Variants in DOCK8 observed in about 807,000 individuals in gnomAD.
DOCK8 encodes the protein dedicator of cytokinesis 8, also known as dedicator of cytokinesis protein 8.
In DOCK8, 141 loss-of-function variants were observed where a neutral mutation model predicts 245.6. The observed-to-expected ratio is 0.57, with a 90% confidence interval of 0.50 to 0.66. DOCK8 has a LOEUF of 0.66. Ranked by LOEUF, DOCK8 falls within the 30% of genes least tolerant of loss-of-function variation. The pLI is 0.00. For synonymous variants in DOCK8, 1,168 were observed against 970.2 expected, an observed-to-expected ratio of 1.20 and a Z score of -3.79; for missense variants, 2,965 against 2,603.4, an observed-to-expected ratio of 1.14 and a Z score of -3.02.
At position 355,493 on chromosome 9, in the gene DOCK8, T is replaced by C. The variant is rs563769484; in HGVS notation, c.1680-12525T>C. Among the ~76,000 whole-genome samples, 8 of 152,054 alleles carry C rather than the reference T, an allele frequency of 5.3e-5. No individual in the cohort carries two copies. The East Asian group carries it at 9.7e-4, about 18-fold the overall frequency. ...CTGGGATTACAGGCATGAGCCACCG[T>C]GCCCAGCCCAGAATGGTGTATTTCT... On this transcript the variant is annotated intron_variant, in intron 14 of 47. Transcript: ENST00000432829.
At chr9:215,086 A>G (rs147359731) in intron 1 of DOCK8, 57 bp downstream of exon 1, 7 of 1,526,124 alleles carry the variant, frequency 4.6e-6, no homozygotes, top group Admixed American at 4.0e-5. Context: ...GCTGGTGTGA[A>G]GCGGAGCTTC....
At chr9:404,099 G>T (rs1190115105) in intron 26 of DOCK8, among the ~76,000 whole-genome samples, 1 of 150,878 alleles carries the variant, frequency 6.6e-6, no homozygotes, top group Non-Finnish European at 1.5e-5. Context: ...TGCTGGGGTG[G>T]GGGGTGATAA....
chr9:453,420 T>G (rs2057528960), intron 46 of DOCK8, among the ~76,000 whole-genome samples: 1 of 152,124 alleles, frequency 6.6e-6, no homozygotes, highest in African/African-American at 2.4e-5. Flanking sequence ...ATTTGGGGAA[T>G]TATTTTATTA....
At chr9:311,417 GC>G (rs2050107496) in intron 5 of DOCK8, among the ~76,000 whole-genome samples, 1 of 145,450 alleles carries the variant, frequency 6.9e-6, no homozygotes, top group African/African-American at 2.6e-5. Flanking sequence ...GCTAAGTTTT[GC>G]TTTTTTTTTT....
At chr9:436,411 A>T (rs10283673) in intron 39 of DOCK8, among the ~76,000 whole-genome samples, 1 of 152,094 alleles carries the variant, frequency 6.6e-6, no homozygotes. Context: ...TGACCATGTG[A>T]TACTATCAAA....
Position 461,527 on chromosome 9 carries a change from A to ATTTTTT in DOCK8, c.6069-1966_6069-1961dup, listed in dbSNP as rs530827485. 8.6e-4 allele frequency among the ~76,000 whole-genome samples: 58 copies of ATTTTTT among 67,286 alleles called. 6 individuals are homozygous for ATTTTTT. Among genetic ancestry groups the ATTTTTT allele is most frequent in the African/African-American group, 2.2e-3 (32 of 14,468 alleles). The allele number at this position is 67,286 out of a possible 152,430, so 44.1% of individuals were successfully genotyped here. On this transcript the variant is annotated intron_variant, in intron 46 of 47. Coordinates refer to ENST00000432829, the MANE Select transcript of DOCK8 (RefSeq NM_203447.4). ...GAGTTTTTTGTCTTTTAGCAACTGC[A>ATTTTTT]TTTTTTTTTTTTTTTTTTTTTTTTT...
rs555261182 is a variant in DOCK8 at position 313,678 on chromosome 9, A to G, written c.741+1512A>G. On this transcript the variant is annotated intron_variant, in intron 6 of 47. Transcript: ENST00000432829. ...CGGGAGGAATACGTTTTAGTGACCTATCGCACTGCACAGTGACCAGAGTTA... is the reference window on the plus strand; with the variant it reads ...CGGGAGGAATACGTTTTAGTGACCTGTCGCACTGCACAGTGACCAGAGTTA... Among the ~76,000 whole-genome samples the G allele has an allele frequency of 3.9e-5, 6 of 152,346 alleles. No individual in the cohort carries two copies. In the South Asian group the frequency reaches 8.3e-4, roughly 21 times the overall value.
At chr9:214,485 G>A (rs755893832), upstream of DOCK8, 15 of 1,606,518 alleles carry the variant, frequency 9.3e-6, no homozygotes, top group East Asian at 6.8e-5. Context: ...CGAGAATGGT[G>A]TCAACCCTTA....
intron 1 of DOCK8, chr9:215,398 A>G (rs1309996673): frequency 6.4e-7 from 1 of 1,559,294 alleles, no homozygotes; most frequent in Non-Finnish European, 8.7e-7. Flanking sequence ...GTGTCTCATA[A>G]ACGGCTCCTT....
intron 2 of DOCK8, among the ~76,000 whole-genome samples, chr9:283,534 C>T (rs72701251): frequency 0.15 from 22,688 of 152,068 alleles, 1,814 homozygotes; most frequent in Admixed American, 0.17. Context: ...AGGAATCTAG[C>T]ATCCCTCACC....
intron 28 of DOCK8, 31 bp downstream of exon 28, chr9:407,100 A>T (rs891687956): frequency 6.2e-7 from 1 of 1,613,912 alleles, no homozygotes; most frequent in Non-Finnish European, 8.5e-7. Flanking sequence ...ATGGAAGATG[A>T]AGCCAAAAAA....
intron 14 of DOCK8, among the ~76,000 whole-genome samples, chr9:349,630 T>C (rs1046477747): frequency 4.6e-5 from 7 of 152,218 alleles, no homozygotes; most frequent in African/African-American, 1.7e-4. Flanking sequence ...TGGGCTGAGC[T>C]TTCTCTCCTA....
At chr9:242,595 C>G (rs994730101) in intron 1 of DOCK8, among the ~76,000 whole-genome samples, 19 of 152,192 alleles carry the variant, frequency 1.2e-4, no homozygotes, top group Admixed American at 1.2e-3. Context: ...TGTTCTTATT[C>G]TCCCAAGGAT....
intron 20 of DOCK8, among the ~76,000 whole-genome samples, chr9:378,497 G>T (rs1472656390): frequency 2.6e-5 from 4 of 152,208 alleles, no homozygotes; most frequent in African/African-American, 4.8e-5. Flanking sequence ...ATCTTCTGTG[G>T]TTCCACAGAT....
chr9:432,622 G>A (rs1168551633), intron 37 of DOCK8, among the ~76,000 whole-genome samples: 1 of 152,162 alleles, frequency 6.6e-6, no homozygotes, highest in African/African-American at 2.4e-5. Context: ...GGAGCTAAAT[G>A]CTATGGAAGG....
intron 28 of DOCK8, among the ~76,000 whole-genome samples, chr9:413,739 G>C (rs981196198): frequency 6.6e-6 from 1 of 152,184 alleles, no homozygotes; most frequent in Non-Finnish European, 1.5e-5. Flanking sequence ...TAATAAAAAA[G>C]ACAGGTAATA....
chr9:447,920 C>T (rs2057314969), intron 44 of DOCK8, among the ~76,000 whole-genome samples: 1 of 152,312 alleles, frequency 6.6e-6, no homozygotes, highest in African/African-American at 2.4e-5. Flanking sequence ...ATCTGCTGTA[C>T]TTCCTATACT....
intron 26 of DOCK8, among the ~76,000 whole-genome samples, chr9:403,858 A>ATCTCTCTCTCTCTCTCTCTCTCTC (rs749646963): frequency 3.6e-5 from 3 of 83,974 alleles, no homozygotes; most frequent in African/African-American, 1.4e-4. Context: ...AAGACTCTGT[A>ATCTCTCTCTCTCTCTCTCTCTCTC]TCTCTCTCTC....
At chr9:359,113 G>A (rs2052594493) in intron 14 of DOCK8, among the ~76,000 whole-genome samples, 1 of 152,204 alleles carries the variant, frequency 6.6e-6, no homozygotes, top group Non-Finnish European at 1.5e-5. Flanking sequence ...TGATGCTGAC[G>A]CTGACGTTGA....
Sources: allele counts gnomAD v4.1 joint callset (sites outside exome capture counted in the v4.1 genomes callset), GRCh38; gene constraint gnomAD v4.1.1; transcripts MANE v1.5; gene names NCBI Gene and HGNC (gene_info 2026-07-23, HGNC 2026-07-21).